Variants in BCAS3 observed in about 807,000 individuals in gnomAD.
BCAS3 encodes the protein BCAS3 microtubule associated cell migration factor.
BCAS3 carries 53 observed loss-of-function variants against 116.1 expected under a neutral mutation model. That is an observed-to-expected ratio of 0.46 (90% CI 0.37 to 0.57). The LOEUF (loss-of-function observed/expected upper bound fraction) is 0.57, where lower values mean the gene tolerates loss of function less well. Ranked by LOEUF, BCAS3 falls within the 20% of genes least tolerant of loss-of-function variation. The pLI is 0.00. For synonymous variants in BCAS3, 391 were observed against 408.2 expected (o/e 0.96, Z 0.51); for missense variants, 917 against 1,165.4 (o/e 0.79, Z 3.10).
Position 61,008,893 on chromosome 17 carries a change from T to A in BCAS3, c.1487-6858T>A, listed in dbSNP as rs1395749936. On this transcript the variant is annotated intron_variant, in intron 15 of 23. Transcript: ENST00000407086. This position sits in a 1 kb window ranked among gnomAD's most constrained non-coding sequence, Gnocchi z 4.6. ...TTGTCTTCTGAGGAGTGCCAGAGAG[T>A]CACATTGACCTCGGGCTTCAGTGTG... 6.6e-6 allele frequency among the ~76,000 whole-genome samples: 1 copy of A among 151,694 alleles called. No individual in the cohort carries two copies. The highest frequency in any genetic ancestry group is 1.5e-5 in the Non-Finnish European group (1 of 67,876).
chr17:60,771,072 T>C (rs2044656760), intron 6 of BCAS3, among the ~76,000 whole-genome samples: 2 of 152,038 alleles, frequency 1.3e-5, no homozygotes, highest in South Asian at 4.2e-4. Context: ...CCTCCCAAAG[T>C]GCTGGGGTTA....
At position 61,234,268 on chromosome 17, in the gene BCAS3, C is replaced by A. The variant is rs2082863241; in HGVS notation, c.2426-134059C>A. Among the ~76,000 whole-genome samples, 3 of 152,260 alleles carry A rather than the reference C, an allele frequency of 2.0e-5. No individual in the cohort carries two copies. The South Asian group carries it at 6.2e-4, about 32-fold the overall frequency. On this transcript the variant is annotated intron_variant, in intron 22 of 23. Transcript: ENST00000407086. ...TACTAGGATACAGCTCTCTCTTCTT[C>A]CTTCCTCTCCTTCCTCAAATCCTAC...
intron 21 of BCAS3, among the ~76,000 whole-genome samples, chr17:61,080,829 C>G (rs1157159035): frequency 6.6e-6 from 1 of 152,092 alleles, no homozygotes; most frequent in Non-Finnish European, 1.5e-5. Context: ...CTTTTAATAC[C>G]TTGTTTAGTA....
intron 15 of BCAS3, among the ~76,000 whole-genome samples, chr17:61,011,847 G>C (rs1231251016): frequency 6.6e-6 from 1 of 152,038 alleles, no homozygotes; most frequent in South Asian, 2.1e-4. Context: ...AGGCTGTCTT[G>C]TGTAGTTATT....
intron 6 of BCAS3, among the ~76,000 whole-genome samples, chr17:60,755,165 T>C (rs986962349): frequency 1.3e-5 from 2 of 152,200 alleles, no homozygotes; most frequent in East Asian, 3.8e-4. Flanking sequence ...GTTTTAGGTA[T>C]AGGAAATTGA....
At chr17:61,148,109 A>T (rs1050150715) in intron 22 of BCAS3, among the ~76,000 whole-genome samples, 1 of 152,242 alleles carries the variant, frequency 6.6e-6, no homozygotes, top group African/African-American at 2.4e-5. Context: ...GGAATTTTAG[A>T]TAAGTAGAGA....
At chr17:61,255,614 C>T (rs1027265252) in intron 22 of BCAS3, among the ~76,000 whole-genome samples, 9 of 152,306 alleles carry the variant, frequency 5.9e-5, no homozygotes, top group Non-Finnish European at 1.0e-4. Context: ...TGGCTTTGTA[C>T]TTTTGTCTGG....
In BCAS3 at chr17:61,013,873, G is replaced by A. The variant is rs183140559; in HGVS notation, c.1487-1878G>A. Among the ~76,000 whole-genome samples the A allele has an allele frequency of 5.9e-5, 9 of 152,176 alleles. No individual in the cohort carries two copies. In the East Asian group the frequency reaches 9.6e-4, roughly 16 times the overall value. On this transcript the variant is annotated intron_variant, in intron 15 of 23. Coordinates refer to ENST00000407086, the MANE Select transcript of BCAS3 (RefSeq NM_017679.5). The surrounding 1 kb of genome is among the most constrained non-coding windows in gnomAD (Gnocchi z 4.4). ...TCTGAAGCCACTGTCATCTTGTTAC[G>A]ATTTTTTAGAAAGGCACTTTTGACT...
intron 7 of BCAS3, among the ~76,000 whole-genome samples, chr17:60,844,031 G>C (rs1387716357): frequency 6.6e-6 from 1 of 152,158 alleles, no homozygotes; most frequent in Non-Finnish European, 1.5e-5. Flanking sequence ...ATGCAATGGC[G>C]TGATCTCGGC....
intron 19 of BCAS3, among the ~76,000 whole-genome samples, chr17:61,055,277 A>C (rs1264611340): frequency 2.6e-5 from 4 of 152,218 alleles, no homozygotes; most frequent in Non-Finnish European, 4.4e-5. Flanking sequence ...GAATGCTACA[A>C]CTGTCTGCTG....
chr17:61,021,039 A>C lies in BCAS3; in HGVS notation c.1637+5138A>C, dbSNP rs369370719. Among the ~76,000 whole-genome samples, 1 of 151,480 alleles carries C rather than the reference A, an allele frequency of 6.6e-6. No individual in the cohort carries two copies. Among genetic ancestry groups the C allele is most frequent in the East Asian group, 1.9e-4 (1 of 5,156 alleles). ...CATTTCTTTCCCCCTCCCCATCTTT[A>C]TATTTACTCATTTCATTTCTTCTCT... On this transcript the variant is annotated intron_variant, in intron 16 of 23. Coordinates refer to ENST00000407086, the MANE Select transcript of BCAS3 (RefSeq NM_017679.5). The surrounding 1 kb of genome is among the most constrained non-coding windows in gnomAD (Gnocchi z 4.6).
intron 16 of BCAS3, among the ~76,000 whole-genome samples, chr17:61,031,196 A>G (rs1373685961): frequency 6.6e-6 from 1 of 152,078 alleles, no homozygotes; most frequent in East Asian, 1.9e-4. Context: ...AAAAAAGGTT[A>G]GCATTGGAGT....
chr17:61,057,691 T>A (rs1191242046), intron 19 of BCAS3, among the ~76,000 whole-genome samples: 1 of 151,756 alleles, frequency 6.6e-6, no homozygotes, highest in Non-Finnish European at 1.5e-5. Context: ...TTTTTTCACA[T>A]TTTATGTAGC....
chr17:60,855,932 C>T (rs776307331), intron 7 of BCAS3, among the ~76,000 whole-genome samples: 1 of 152,184 alleles, frequency 6.6e-6, no homozygotes, highest in African/African-American at 2.4e-5. Flanking sequence ...TCCCGCCTGC[C>T]TTGGCCTTGC....
intron 14 of BCAS3, among the ~76,000 whole-genome samples, chr17:60,949,551 C>G (rs2060718602): frequency 6.6e-6 from 1 of 152,156 alleles, no homozygotes; most frequent in Non-Finnish European, 1.5e-5. Context: ...GCTGGAATTG[C>G]AGGTGTGAGT....
At chr17:60,708,168 A>T (rs2037408091) in intron 4 of BCAS3, among the ~76,000 whole-genome samples, 1 of 151,960 alleles carries the variant, frequency 6.6e-6, no homozygotes, top group Non-Finnish European at 1.5e-5. Flanking sequence ...ACAAACATTT[A>T]CAAAAAATTA....
At chr17:61,247,344 A>T (rs1053822146) in intron 22 of BCAS3, among the ~76,000 whole-genome samples, 2 of 152,192 alleles carry the variant, frequency 1.3e-5, no homozygotes, top group African/African-American at 4.8e-5. Flanking sequence ...GTTCAATCAG[A>T]AATAATGAGT....
rs1221273425 is a variant in BCAS3 at position 61,343,472 on chromosome 17, G to A, written c.2426-24855G>A. Among the ~76,000 whole-genome samples the A allele has an allele frequency of 6.6e-6, 1 of 152,194 alleles. No individual in the cohort carries two copies. Among genetic ancestry groups the A allele is most frequent in the Non-Finnish European group, 1.5e-5 (1 of 68,036 alleles). ...ACCTGATGAGCTTTTTAAAGATACA[G>A]ATGCCCAGGCCCCAAACTTTTGCCC... is the stretch of plus-strand genomic sequence containing the variant. On this transcript the variant is annotated intron_variant, in intron 22 of 23. Coordinates refer to ENST00000407086, the MANE Select transcript of BCAS3 (RefSeq NM_017679.5). The surrounding 1 kb of genome is among the most constrained non-coding windows in gnomAD (Gnocchi z 5.5).
At chr17:61,067,736 A>ATATATATAT (rs1285770723) in intron 19 of BCAS3, among the ~76,000 whole-genome samples, 3 of 131,976 alleles carry the variant, frequency 2.3e-5, no homozygotes, top group African/African-American at 1.2e-4. Context: ...CAAAAAAAAA[A>ATATATATAT]AAAAATATAT....
Sources: gnomAD v4.1 joint callset for allele counts (sites outside exome capture counted in the v4.1 genomes callset) on GRCh38, gnomAD v4.1.1 for gene constraint, Gnocchi (gnomAD v3.1) non-coding constraint, MANE v1.5 for transcripts, NCBI Gene and HGNC (gene_info 2026-07-23, HGNC 2026-07-21) for gene names.